Variants in FGD4 observed in about 807,000 individuals in gnomAD.
FGD4 encodes the protein FYVE, RhoGEF and PH domain-containing protein 4.
In FGD4, 42 loss-of-function variants were observed where a neutral mutation model predicts 102.0. The ratio of observed to expected loss-of-function variants is 0.41; its 90% CI spans 0.32 to 0.53. FGD4 has a LOEUF of 0.53. FGD4 is among the 20% of genes least tolerant of loss of function. FGD4 has a pLI of 0.21. For synonymous variants in FGD4, 380 were observed against 375.7 expected (o/e 1.01, Z -0.13); for missense variants, 902 against 1,078.2 (o/e 0.84, Z 2.29).
At chr12:32,465,298 T>G (rs898000886) in intron 1 of FGD4, among the ~76,000 whole-genome samples, 1 of 152,036 alleles carries the variant, frequency 6.6e-6, no homozygotes, top group African/African-American at 2.4e-5. Context: ...GTTTTCTTCC[T>G]TGTCTTAAGA....
intron 1 of FGD4, among the ~76,000 whole-genome samples, chr12:32,474,876 C>T (rs1484080379): frequency 6.6e-6 from 1 of 152,130 alleles, no homozygotes; most frequent in South Asian, 2.1e-4. Flanking sequence ...TGTACTCCAG[C>T]CTGGGTGACA....
chr12:32,443,624 G>T (rs1227125617), intron 1 of FGD4, among the ~76,000 whole-genome samples: 1 of 145,822 alleles, frequency 6.9e-6, no homozygotes, highest in East Asian at 2.0e-4. Context: ...CTGTAGCCTC[G>T]AACTCCCAGG....
intron 10 of FGD4, among the ~76,000 whole-genome samples, chr12:32,614,726 A>G (rs751754126): frequency 2.6e-5 from 4 of 152,086 alleles, no homozygotes; most frequent in African/African-American, 4.8e-5. Flanking sequence ...AAGGACACCC[A>G]TTTTCTTCAG....
At chr12:32,406,396 A>T (rs932503608) in intron 1 of FGD4, among the ~76,000 whole-genome samples, 1 of 151,842 alleles carries the variant, frequency 6.6e-6, no homozygotes, top group African/African-American at 2.4e-5. Flanking sequence ...TCTACTAAAA[A>T]TACAAAAATT....
At chr12:32,447,502 A>G (rs554626210) in intron 1 of FGD4, among the ~76,000 whole-genome samples, 1 of 141,014 alleles carries the variant, frequency 7.1e-6, no homozygotes, top group East Asian at 2.0e-4. Flanking sequence ...CTTTTTAAAC[A>G]TTAGATTCCC....
intron 1 of FGD4, among the ~76,000 whole-genome samples, chr12:32,426,324 T>C (rs1941831947): frequency 1.3e-5 from 2 of 152,170 alleles, no homozygotes; most frequent in Non-Finnish European, 2.9e-5. Context: ...GAGATAATCA[T>C]GTGGTTTTTG....
In FGD4 at chr12:32,640,611, G is replaced by A. The variant is rs1249627853; in HGVS notation, c.*78G>A. The A allele has an allele frequency of 9.4e-6, 15 of 1,599,936 alleles. No homozygotes were observed. In the Admixed American group the frequency reaches 2.2e-4, roughly 23 times the overall value. On this transcript the variant is annotated 3_prime_UTR_variant, in exon 17 of 17. Transcript: ENST00000534526. The stretch of plus-strand genomic sequence containing the variant: ...CATTCCCAGCTCTTCTTACACATCT[G>A]CTAGCACTTTATGTTGAAAAATATA...
intron 1 of FGD4, among the ~76,000 whole-genome samples, chr12:32,562,776 A>G (rs949965873): frequency 1.3e-5 from 2 of 152,094 alleles, no homozygotes; most frequent in South Asian, 2.1e-4. Flanking sequence ...AATTTTTCTT[A>G]GTACAGAACA....
rs869107334 is a variant in FGD4, at chr12:32,412,899, A to ATTTTTTTTTTTTT, written c.166+12953_166+12965dup. 8.0e-5 allele frequency among the ~76,000 whole-genome samples: 7 copies of ATTTTTTTTTTTTT among 87,020 alleles called. 1 individual carries two copies. The highest frequency in any genetic ancestry group is 3.6e-4 in the East Asian group (1 of 2,784). 57.1% of individuals were successfully genotyped at this position (87,020 alleles called of 152,430 possible). On this transcript the variant is annotated intron_variant, in intron 1 of 16. Transcript: ENST00000534526. ...CTGTCCAGAGACCCCTTTTCTAGAA[A>ATTTTTTTTTTTTT]TTTTTTTTTTTTTTTTTTTTTTTTT...
At position 32,501,973 on chromosome 12, in the gene FGD4, A is replaced by G. The variant is rs1288573925; in HGVS notation, c.167-62164A>G. 1.8e-5 allele frequency: 17 copies of G among 953,272 alleles called. No homozygotes were observed. The South Asian group carries it at 1.9e-4, about 11-fold the overall frequency. The allele number at this position is 953,272 out of a possible 1,614,324, so 59.1% of individuals were successfully genotyped here. A position where few individuals can be genotyped will look rare whatever the true frequency, so the allele number is the denominator to read the frequency against. ...CTGCACTGGCTTGTTTAAATAGCCA[A>G]ACACCTGCTAGGCAAGCCCTGCGCA... is the stretch of plus-strand genomic sequence containing the variant. On this transcript the variant is annotated intron_variant, in intron 1 of 16. Transcript: ENST00000534526.
intron 1 of FGD4, among the ~76,000 whole-genome samples, chr12:32,496,864 C>T (rs576131705): frequency 2.8e-4 from 42 of 152,080 alleles, no homozygotes; most frequent in Admixed American, 1.4e-3. Context: ...GTTTTAGAAT[C>T]GATATTAAGG....
chr12:32,635,678 T>C (rs1950764795), intron 15 of FGD4, among the ~76,000 whole-genome samples: 1 of 148,496 alleles, frequency 6.7e-6, no homozygotes, highest in African/African-American at 2.6e-5. Context: ...ATTTCCACAA[T>C]TTTTTTTTAC....
chr12:32,441,152 G>T (rs1359342354), intron 1 of FGD4, among the ~76,000 whole-genome samples: 1 of 152,162 alleles, frequency 6.6e-6, no homozygotes, highest in Non-Finnish European at 1.5e-5. Context: ...CTGTGGCAGT[G>T]TTGGTACCTA....
intron 1 of FGD4, among the ~76,000 whole-genome samples, chr12:32,562,831 C>T (rs1944739188): frequency 6.6e-6 from 1 of 152,372 alleles, no homozygotes; most frequent in South Asian, 2.1e-4. Flanking sequence ...ACAGACACGG[C>T]AACCATCCGA....
chr12:32,583,836 T>G lies in FGD4; in HGVS notation c.1011+1369T>G, dbSNP rs544971694. On this transcript the variant is annotated intron_variant, in intron 4 of 16. Coordinates refer to ENST00000534526, the MANE Select transcript of FGD4 (RefSeq NM_001370298.3). ...CCTATGCCTCAATACAATGATAGAT[T>G]TTTAGTTTATTTGTTCGTGAACCAT... Among the ~76,000 whole-genome samples the G allele has an allele frequency of 2.6e-5, 4 of 152,310 alleles. No individual in the cohort carries two copies. In the South Asian group the frequency reaches 8.3e-4, roughly 32 times the overall value.
rs1476134962 is a variant in FGD4, at chr12:32,622,885, A to G, written c.1923-1537A>G. 2.6e-5 allele frequency among the ~76,000 whole-genome samples: 4 copies of G among 152,188 alleles called. No homozygotes were observed. The South Asian group carries it at 8.3e-4, about 31-fold the overall frequency. ...TGGGATTACAGGCCTAAGCCACTGC[A>G]CCCAGCCTATCATGCTCTTTTAAGA... On this transcript the variant is annotated intron_variant, in intron 11 of 16. Coordinates refer to ENST00000534526, the MANE Select transcript of FGD4 (RefSeq NM_001370298.3).
chr12:32,614,241 G>A (rs930693390), intron 10 of FGD4, among the ~76,000 whole-genome samples: 12 of 152,132 alleles, frequency 7.9e-5, no homozygotes, highest in Admixed American at 6.5e-4. Context: ...CAGAACTTTT[G>A]GTGGAAATCT....
intron 1 of FGD4, among the ~76,000 whole-genome samples, chr12:32,539,990 T>A (rs533698974): frequency 3.9e-5 from 6 of 152,330 alleles, no homozygotes; most frequent in South Asian, 4.1e-4. Context: ...AAATTTTTTT[T>A]AAATTTATTT....
intron 13 of FGD4, 47 bp from the exon 14 acceptor site, chr12:32,625,607 A>T: frequency 1.3e-6 from 2 of 1,586,738 alleles, no homozygotes; most frequent in Non-Finnish European, 1.7e-6. Flanking sequence ...AATAAAAGGG[A>T]ATTATAGTTT....
Sources: gnomAD v4.1 joint callset for allele counts (sites outside exome capture counted in the v4.1 genomes callset) on GRCh38, gnomAD v4.1.1 for gene constraint, MANE v1.5 for transcripts, NCBI Gene and HGNC (gene_info 2026-07-23, HGNC 2026-07-21) for gene names.